Variants in FGL1 observed in about 807,000 individuals in gnomAD.
The protein encoded by FGL1 is fibrinogen-like protein 1.
A neutral mutation model predicts 43.7 loss-of-function variants in FGL1; 59 were observed. The observed-to-expected ratio is 1.35, with a 90% CI of 1.10 to 1.68. The LOEUF (loss-of-function observed/expected upper bound fraction) is 1.68, where lower values mean the gene tolerates loss of function less well. Among genes scored for constraint, FGL1 ranks in the 40% most tolerant of loss-of-function variants. The probability of loss-of-function intolerance (pLI) is 0.00; values close to 1 mark genes in which losing one functional copy is unlikely to be tolerated. For synonymous variants in FGL1, 192 were observed against 126.5 expected (o/e 1.52, Z -3.48); for missense variants, 596 against 373.0 (o/e 1.60, Z -4.92).
In FGL1 at chr8:17,874,421, G is replaced by T. The variant is rs368709329; in HGVS notation, c.345C>A (p.Ser115=). 4.3e-6 allele frequency: 7 copies of T among 1,613,974 alleles called. 1 individual carries two copies. The Admixed American group carries it at 5.0e-5, about 12-fold the overall frequency. The change falls in exon 4 of 8, where the codon TCC becomes TCA. Residue 115 remains serine (S), a synonymous_variant. Transcript: ENST00000427924. ...PAEFSVYCDM[S]DGGGWTVIQR... The stretch of plus-strand genomic sequence containing the variant: ...GAATTACAGTCCATCCTCCTCCATC[G>T]GACATGTCACAATAAACAGAAAATT...
intron 2 of FGL1, among the ~76,000 whole-genome samples, chr8:17,882,946 A>T (rs1433972908): frequency 9.8e-6 from 1 of 102,372 alleles, no homozygotes; most frequent in African/African-American, 5.0e-5. Context: ...ATATTAAATA[A>T]TATATAATAT....
At chr8:17,893,286 C>G (rs2053731643) in intron 1 of FGL1, among the ~76,000 whole-genome samples, 1 of 152,072 alleles carries the variant, frequency 6.6e-6, no homozygotes, top group Non-Finnish European at 1.5e-5. Context: ...GATTCTGGCT[C>G]TTGCATAAAT....
At chr8:17,890,435 C>G (rs1224641021) in intron 1 of FGL1, among the ~76,000 whole-genome samples, 2 of 152,078 alleles carry the variant, frequency 1.3e-5, no homozygotes, top group Non-Finnish European at 2.9e-5. Context: ...TTTGGAAAAC[C>G]CTGAAATACA....
chr8:17,864,660 ACC>A lies in FGL1; in HGVS notation c.869_870del (p.Gly290ValfsTer13). On this transcript the variant is annotated frameshift_variant, in exon 8 of 8. Transcript: ENST00000427924. LOFTEE classifies it high-confidence loss of function. The stretch of plus-strand genomic sequence containing the variant: ...ACCACAGATTTCAGAGAATACCACC[ACC>A]CATGCCAGGTGTACCAGACAATCCC... ...DNGIVWYTWHGWWYSLKSVVM... is the reference protein window; with the variant it reads ...DNGIVWYTWHXWWYSLKSVVM... 6.2e-7 allele frequency: 1 copy of A among 1,613,468 alleles called. No homozygotes were observed. Among genetic ancestry groups the A allele is most frequent in the Non-Finnish European group, 8.5e-7 (1 of 1,179,852 alleles).
intron 1 of FGL1, among the ~76,000 whole-genome samples, chr8:17,894,289 C>T (rs1424844566): frequency 6.8e-6 from 1 of 146,962 alleles, no homozygotes; most frequent in Non-Finnish European, 1.5e-5. Context: ...AATAAGTTAG[C>T]ATTCACAAAC....
chr8:17,881,610 A>G (rs34763375), intron 3 of FGL1, among the ~76,000 whole-genome samples: 8,476 of 151,236 alleles, frequency 0.056, 786 homozygotes, highest in African/African-American at 0.19. Flanking sequence ...GAGGCAGGCG[A>G]ATCACAAGGT....
At chr8:17,891,555 T>C (rs1304861728) in intron 1 of FGL1, 1 of 363,756 alleles carries the variant, frequency 2.7e-6, no homozygotes, top group Non-Finnish European at 3.8e-6. Context: ...AAGACCCTAT[T>C]TGCAAATGAG....
At chr8:17,886,163 G>A (rs1443288985) in intron 1 of FGL1, among the ~76,000 whole-genome samples, 3 of 152,184 alleles carry the variant, frequency 2.0e-5, no homozygotes, top group African/African-American at 7.2e-5. Context: ...TTCCTCAGGA[G>A]GCAAAATCGT....
At chr8:17,877,777 A>AT (rs2053477989) in intron 3 of FGL1, among the ~76,000 whole-genome samples, 1 of 152,042 alleles carries the variant, frequency 6.6e-6, no homozygotes, top group Non-Finnish European at 1.5e-5. Flanking sequence ...AAACAATCCA[A>AT]TTTTGCTCTC....
chr8:17,881,352 G>A (rs34169791), intron 3 of FGL1, among the ~76,000 whole-genome samples: 3 of 151,520 alleles, frequency 2.0e-5, no homozygotes, highest in African/African-American at 7.3e-5. Flanking sequence ...GGCCAGGCTG[G>A]TCTAGATCTC....
At chr8:17,865,705 T>A (rs1013747628) in intron 7 of FGL1, among the ~76,000 whole-genome samples, 1 of 152,354 alleles carries the variant, frequency 6.6e-6, no homozygotes, top group Non-Finnish European at 1.5e-5. Context: ...TGTGTTGTTA[T>A]GAAATTAATT....
chr8:17,868,088 G>A (rs1366940339), intron 7 of FGL1, among the ~76,000 whole-genome samples: 1 of 152,188 alleles, frequency 6.6e-6, no homozygotes, highest in Admixed American at 6.5e-5. Flanking sequence ...TTCTGTATTG[G>A]GAGAGGCTTA....
At position 17,881,967 on chromosome 8, in the gene FGL1, T is replaced by A. The variant is rs185956351; in HGVS notation, c.244+32A>T. On this transcript the variant is annotated intron_variant, in intron 3 of 7. Coordinates refer to ENST00000427924, the MANE Select transcript of FGL1 (RefSeq NM_004467.4). ...CTGTACATGGGTGCATAATGTAAGTTATAGAAACACTTAAGAAAAGTCCAT... is the reference window on the plus strand; with the variant it reads ...CTGTACATGGGTGCATAATGTAAGTAATAGAAACACTTAAGAAAAGTCCAT... The A allele has an allele frequency of 2.2e-5, 35 of 1,597,296 alleles. No homozygotes were observed. In the African/African-American group the frequency reaches 2.3e-4, roughly 10 times the overall value.
At chr8:17,865,586 G>C (rs35424179) in intron 7 of FGL1, among the ~76,000 whole-genome samples, 2,271 of 152,198 alleles carry the variant, frequency 0.015, 25 homozygotes, top group Non-Finnish European at 0.024. Context: ...ATCTAGATAA[G>C]CTGGTTAGGT....
intron 1 of FGL1, among the ~76,000 whole-genome samples, chr8:17,890,852 G>A (rs569545393): frequency 6.6e-5 from 10 of 152,116 alleles, no homozygotes; most frequent in Middle Eastern, 3.4e-3. Context: ...TCACTATCAC[G>A]AAAACAGCAG....
At chr8:17,865,263 T>A (rs2053253901) in intron 7 of FGL1, among the ~76,000 whole-genome samples, 1 of 152,202 alleles carries the variant, frequency 6.6e-6, no homozygotes, top group African/African-American at 2.4e-5. Context: ...TACAACCTCC[T>A]GACTCAGAAC....
In FGL1 at chr8:17,884,008, C is replaced by A. The variant is rs2053590769; in HGVS notation, c.63+1484G>T. Among the ~76,000 whole-genome samples the A allele has an allele frequency of 2.0e-5, 3 of 150,236 alleles. No individual in the cohort carries two copies. The Admixed American group carries it at 2.0e-4, about 10-fold the overall frequency. On this transcript the variant is annotated intron_variant, in intron 2 of 7. Coordinates refer to ENST00000427924, the MANE Select transcript of FGL1 (RefSeq NM_004467.4). Reference sequence around the variant, plus strand: ...CTAGGTCCAAGTCACAGAACCTCTCCCAGCCATTTTTCTAAAATGATTTCT... The same window carrying A: ...CTAGGTCCAAGTCACAGAACCTCTCACAGCCATTTTTCTAAAATGATTTCT...
chr8:17,865,603 C>T (rs1231999834), intron 7 of FGL1, among the ~76,000 whole-genome samples: 1 of 152,116 alleles, frequency 6.6e-6, no homozygotes, highest in Non-Finnish European at 1.5e-5. Context: ...AGGTTATCGA[C>T]AATATAAAAA....
At chr8:17,894,551 G>A (rs1336686666) in intron 1 of FGL1, among the ~76,000 whole-genome samples, 3 of 146,844 alleles carry the variant, frequency 2.0e-5, no homozygotes, top group Non-Finnish European at 4.4e-5. Context: ...TTTGACTTCT[G>A]AAGTGAAAAT....
Sources: gnomAD v4.1 joint callset for allele counts (sites outside exome capture counted in the v4.1 genomes callset) on GRCh38, gnomAD v4.1.1 for gene constraint, MANE v1.5 for transcripts, NCBI Gene and HGNC (gene_info 2026-07-23, HGNC 2026-07-21) for gene names.